Variants in EGF observed in about 807,000 individuals in gnomAD.
EGF encodes the protein pro-epidermal growth factor.
In EGF, 95 loss-of-function variants were observed where a neutral mutation model predicts 143.8. The observed-to-expected ratio is 0.66, with a 90% CI of 0.56 to 0.78. The LOEUF (loss-of-function observed/expected upper bound fraction) is 0.78, where lower values mean the gene tolerates loss of function less well. EGF is among the 30% of genes least tolerant of loss of function. The pLI is 0.00. For missense variants in EGF, 1,320 were observed against 1,470.9 expected (o/e 0.90, Z 1.68); for synonymous variants, 510 against 510.5 (o/e 1.00, Z 0.01).
intron 1 of EGF, among the ~76,000 whole-genome samples, chr4:109,913,769 C>T (rs1427752353): frequency 1.3e-5 from 2 of 151,794 alleles, no homozygotes; most frequent in African/African-American, 2.4e-5. Context: ...GAGTAATTAA[C>T]ACCTGGCTAA....
intron 22 of EGF, among the ~76,000 whole-genome samples, chr4:110,005,948 T>G (rs763343666): frequency 6.6e-6 from 1 of 152,196 alleles, no homozygotes; most frequent in Non-Finnish European, 1.5e-5. Context: ...CCTGTAACTG[T>G]GCTTTTGACT....
chr4:109,943,045 C>T (rs1455049270), intron 2 of EGF, among the ~76,000 whole-genome samples: 1 of 151,998 alleles, frequency 6.6e-6, no homozygotes, highest in East Asian at 1.9e-4. Context: ...ATACTATTTC[C>T]AGAAATATTT....
intron 15 of EGF, among the ~76,000 whole-genome samples, chr4:109,982,473 G>A (rs757303709): frequency 6.6e-5 from 10 of 151,764 alleles, no homozygotes; most frequent in Admixed American, 1.3e-4. Context: ...GATTACAGGC[G>A]TGCACCATCA....
rs776342427 is a variant in EGF, at chr4:109,969,064, C to T, written c.1669C>T (p.Pro557Ser). 8.1e-6 allele frequency: 13 copies of T among 1,614,088 alleles called. No individual in the cohort carries two copies. The highest frequency in any genetic ancestry group is 2.2e-5 in the South Asian group (2 of 91,076). ...ERLIEEGVDV[P>S]EGLAVDWIGR... The stretch of plus-strand genomic sequence containing the variant: ...GCTTATTGAGGAAGGAGTAGATGTG[C>T]CAGAAGGTCTTGCTGTGGACTGGAT... Residue 557 changes from proline (P) to serine (S), a missense_variant, in exon 11 of 24, where the codon CCA becomes TCA. Transcript: ENST00000265171.
At position 109,962,449 on chromosome 4, in the gene EGF, A is replaced by G. The variant is rs11568945; in HGVS notation, c.1312+464A>G. ...TATAGATAACTGGATGTAACTCAGA[A>G]TTAGCAGAAGAATTGTGTGTGTGTT... On this transcript the variant is annotated intron_variant, in intron 8 of 23. Coordinates refer to ENST00000265171, the MANE Select transcript of EGF (RefSeq NM_001963.6). 7.3e-3 allele frequency among the ~76,000 whole-genome samples: 1,112 copies of G among 152,358 alleles called. 10 individuals carry two copies. Among genetic ancestry groups the G allele is most frequent in the African/African-American group, 0.025 (1,051 of 41,578 alleles).
At chr4:109,971,731 T>C (rs1359088672) in intron 11 of EGF, among the ~76,000 whole-genome samples, 2 of 152,220 alleles carry the variant, frequency 1.3e-5, no homozygotes, top group African/African-American at 2.4e-5. Context: ...TTTGGAAACC[T>C]TGATATTACC....
intron 15 of EGF, among the ~76,000 whole-genome samples, chr4:109,982,193 G>C (rs1477109655): frequency 6.6e-6 from 1 of 150,892 alleles, no homozygotes; most frequent in East Asian, 1.9e-4. Context: ...ATTTTTTGTA[G>C]AGACAAGGTC....
intron 11 of EGF, among the ~76,000 whole-genome samples, chr4:109,974,086 T>C (rs1266003555): frequency 6.6e-6 from 1 of 152,150 alleles, no homozygotes. Context: ...TTACATGAGG[T>C]ATAAGTAATC....
chr4:109,981,847 G>A (rs1291714751), intron 15 of EGF, among the ~76,000 whole-genome samples: 1 of 152,112 alleles, frequency 6.6e-6, no homozygotes, highest in Non-Finnish European at 1.5e-5. Context: ...TACATAGAGT[G>A]TTAAAAAGCT....
At chr4:109,944,968 C>G in intron 4 of EGF, 105 bp from the exon 5 acceptor site, 1 of 1,186,552 alleles carries the variant, frequency 8.4e-7, no homozygotes. Context: ...CAATTGAAAA[C>G]GTAGGTGGTT....
intron 19 of EGF, 133 bp from the exon 20 acceptor site, chr4:109,994,600 G>T (rs1227044356): frequency 9.6e-7 from 1 of 1,041,672 alleles, no homozygotes; most frequent in South Asian, 1.3e-5. Flanking sequence ...TGAAACTATT[G>T]TCCCTTCTAG....
intron 15 of EGF, 99 bp downstream of exon 15, chr4:109,981,074 G>A: frequency 6.5e-7 from 1 of 1,533,516 alleles, no homozygotes; most frequent in Non-Finnish European, 9.0e-7. Flanking sequence ...TATTTTGGAT[G>A]TTAAAAGTTC....
chr4:109,941,934 A>G (rs1436449990), intron 2 of EGF, among the ~76,000 whole-genome samples: 1 of 152,244 alleles, frequency 6.6e-6, no homozygotes, highest in Non-Finnish European at 1.5e-5. Context: ...TACAAAGAGC[A>G]CATGACTAGA....
chr4:109,986,183 A>G (rs1750082423), intron 16 of EGF, among the ~76,000 whole-genome samples: 1 of 152,224 alleles, frequency 6.6e-6, no homozygotes, highest in Non-Finnish European at 1.5e-5. Flanking sequence ...CTACAACTGC[A>G]TAACTATTGC....
chr4:109,939,519 G>A (rs1741539365), intron 1 of EGF, among the ~76,000 whole-genome samples: 1 of 152,238 alleles, frequency 6.6e-6, no homozygotes, highest in Admixed American at 6.5e-5. Flanking sequence ...ACCCCACCCT[G>A]CTTCGGCTGG....
intron 21 of EGF, 64 bp downstream of exon 21, chr4:109,999,910 C>T: frequency 6.2e-7 from 1 of 1,603,974 alleles, no homozygotes; most frequent in Non-Finnish European, 8.5e-7. Flanking sequence ...GAATGCCTGT[C>T]TCCTTGAGAT....
chr4:109,965,852 CT>C (rs1193288126), intron 10 of EGF, among the ~76,000 whole-genome samples: 3 of 152,140 alleles, frequency 2.0e-5, no homozygotes, highest in African/African-American at 4.8e-5. Flanking sequence ...TGAAGTACCC[CT>C]ATTTGTATTT....
At chr4:109,960,501 T>A (rs1745508206) in intron 6 of EGF, among the ~76,000 whole-genome samples, 1 of 152,044 alleles carries the variant, frequency 6.6e-6, no homozygotes, top group South Asian at 2.1e-4. Flanking sequence ...AAAAATTAGC[T>A]GAGTGTTGTG....
At position 109,935,613 on chromosome 4, in the gene EGF, G is replaced by C. The variant is rs141134359; in HGVS notation, c.128-5333G>C. 9.3e-3 allele frequency among the ~76,000 whole-genome samples: 1,412 copies of C among 152,176 alleles called. 9 individuals are homozygous for C. The highest frequency in any genetic ancestry group is 0.014 in the Non-Finnish European group (919 of 68,010). ...ATGTTGAATAGGAGTGGTGAGAGAG[G>C]GCATCCTTGTCTTATACCAGTGTTC... On this transcript the variant is annotated intron_variant, in intron 1 of 23. Coordinates refer to ENST00000265171, the MANE Select transcript of EGF (RefSeq NM_001963.6).
Sources: allele counts gnomAD v4.1 joint callset (sites outside exome capture counted in the v4.1 genomes callset), GRCh38; gene constraint gnomAD v4.1.1; transcripts MANE v1.5; gene names NCBI Gene and HGNC (gene_info 2026-07-23, HGNC 2026-07-21).